Variants in UTRN observed in about 807,000 individuals in gnomAD.
The protein encoded by UTRN is utrophin.
UTRN carries 283 observed loss-of-function variants against 463.9 expected under a neutral mutation model. The observed-to-expected ratio is 0.61, with a 90% CI of 0.55 to 0.67. UTRN has a LOEUF of 0.67. UTRN is among the 30% of genes least tolerant of loss of function. The probability of loss-of-function intolerance (pLI) is 0.00; values close to 1 mark genes in which losing one functional copy is unlikely to be tolerated. For synonymous variants in UTRN, 1,442 were observed against 1,431.5 expected (o/e 1.01, Z -0.17); for missense variants, 3,922 against 4,084.3 (o/e 0.96, Z 1.08).
intron 49 of UTRN, 61 bp downstream of exon 49, chr6:144,554,954 G>T (rs1395313167): frequency 1.5e-5 from 23 of 1,553,880 alleles, no homozygotes; most frequent in Non-Finnish European, 2.0e-5. Context: ...TTTTTCTATT[G>T]TTCACTGTAA....
At chr6:144,703,418 C>T (rs1183594797) in intron 53 of UTRN, among the ~76,000 whole-genome samples, 2 of 152,034 alleles carry the variant, frequency 1.3e-5, no homozygotes, top group East Asian at 3.9e-4. Context: ...AATTGTCAGC[C>T]TGTATATCAG....
intron 13 of UTRN, among the ~76,000 whole-genome samples, chr6:144,442,528 A>T (rs1402638367): frequency 6.6e-6 from 1 of 152,238 alleles, no homozygotes; most frequent in African/African-American, 2.4e-5. Context: ...TAATGGACTT[A>T]CAGTTCCACA....
At chr6:144,384,009 A>G (rs1781175857) in intron 2 of UTRN, among the ~76,000 whole-genome samples, 2 of 152,232 alleles carry the variant, frequency 1.3e-5, no homozygotes, top group South Asian at 4.1e-4. Flanking sequence ...ACACTGTGAA[A>G]TGAACATGAA....
intron 73 of UTRN, among the ~76,000 whole-genome samples, chr6:144,845,005 A>G (rs1246475648): frequency 2.6e-5 from 4 of 152,238 alleles, no homozygotes; most frequent in Non-Finnish European, 4.4e-5. Flanking sequence ...TGAATTGCCT[A>G]TTTTAACATG....
chr6:144,361,768 C>CTTTTTTTTTT (rs200737117), intron 2 of UTRN, among the ~76,000 whole-genome samples: 2 of 138,700 alleles, frequency 1.4e-5, no homozygotes, highest in African/African-American at 5.7e-5. Context: ...TTCTTTCTTT[C>CTTTTTTTTTT]TTTCTTTTTT....
intron 47 of UTRN, 41 bp downstream of exon 47, chr6:144,548,895 A>G (rs1798655361): frequency 1.3e-6 from 2 of 1,594,192 alleles, no homozygotes; most frequent in South Asian, 1.1e-5. Context: ...AAACGCCACA[A>G]CCCAGAGGTA....
At chr6:144,734,479 C>T (rs140137113) in intron 54 of UTRN, among the ~76,000 whole-genome samples, 31 of 152,272 alleles carry the variant, frequency 2.0e-4, no homozygotes, top group East Asian at 1.9e-3. Flanking sequence ...TGCCCCCTCC[C>T]GTCACCCTGA....
intron 51 of UTRN, among the ~76,000 whole-genome samples, chr6:144,623,395 A>T (rs981392023): frequency 4.6e-5 from 7 of 152,246 alleles, no homozygotes; most frequent in African/African-American, 1.7e-4. Context: ...TTTGCAAATG[A>T]CAGTGATAGT....
intron 49 of UTRN, among the ~76,000 whole-genome samples, chr6:144,555,736 A>G (rs1311259639): frequency 6.6e-6 from 1 of 152,202 alleles, no homozygotes; most frequent in Non-Finnish European, 1.5e-5. Context: ...AGAACTCACT[A>G]TCACAAGAAC....
At chr6:144,404,292 T>C (rs1783189673) in intron 3 of UTRN, among the ~76,000 whole-genome samples, 1 of 152,182 alleles carries the variant, frequency 6.6e-6, no homozygotes, top group Non-Finnish European at 1.5e-5. Flanking sequence ...AATTGGCAGT[T>C]ATATGTGTAG....
In UTRN at chr6:144,429,664, A is replaced by G. The variant is rs766952069; in HGVS notation, c.778A>G (p.Ile260Val). 1.4e-5 allele frequency: 22 copies of G among 1,613,214 alleles called. No individual in the cohort carries two copies. The South Asian group carries it at 1.9e-4, about 14-fold the overall frequency. ...TGAGGTGCTACCTCAGCAAGTCACC[A>G]TAGACGCCATCCGTGAGGTAGAGAC... ...LFEVLPQQVT[I>V]DAIREVETLP... The change falls in exon 9 of 75, where the codon ATA becomes GTA. Residue 260 changes from isoleucine to valine, a missense_variant. Ile to Val is a conservative substitution (Grantham distance 29). Transcript: ENST00000367545.
At chr6:144,617,498 A>T (rs902775067) in intron 51 of UTRN, among the ~76,000 whole-genome samples, 1 of 152,124 alleles carries the variant, frequency 6.6e-6, no homozygotes, top group African/African-American at 2.4e-5. Flanking sequence ...TTAATACTGG[A>T]TCTGCTGAGG....
chr6:144,465,879 T>C (rs995252933), intron 23 of UTRN, among the ~76,000 whole-genome samples: 1 of 152,256 alleles, frequency 6.6e-6, no homozygotes, highest in Non-Finnish European at 1.5e-5. Context: ...TAATGTTTTG[T>C]AGGAACAAAA....
At chr6:144,345,761 A>G (rs1777512300) in intron 2 of UTRN, among the ~76,000 whole-genome samples, 2 of 152,094 alleles carry the variant, frequency 1.3e-5, no homozygotes, top group Non-Finnish European at 2.9e-5. Flanking sequence ...TTTCCCCACC[A>G]TTAAGAGTCT....
chr6:144,777,561 A>G (rs765345612), intron 60 of UTRN, among the ~76,000 whole-genome samples: 3 of 152,178 alleles, frequency 2.0e-5, no homozygotes, highest in Non-Finnish European at 2.9e-5. Flanking sequence ...TGTGTGATGG[A>G]CTAATGGGTA....
At chr6:144,336,299 G>C (rs1776714815) in intron 2 of UTRN, among the ~76,000 whole-genome samples, 3 of 152,152 alleles carry the variant, frequency 2.0e-5, no homozygotes, top group Admixed American at 2.0e-4. Flanking sequence ...CAAGCTGAAT[G>C]ACAGTAAACA....
At chr6:144,758,184 A>G (rs2128726415) in intron 58 of UTRN, 195 bp downstream of exon 58, 2 of 457,388 alleles carry the variant, frequency 4.4e-6, no homozygotes, top group East Asian at 3.5e-5. Flanking sequence ...GATTAGGGAT[A>G]TAGGTGTGTT....
At chr6:144,475,302 A>G (rs1791077452) in intron 25 of UTRN, among the ~76,000 whole-genome samples, 1 of 152,214 alleles carries the variant, frequency 6.6e-6, no homozygotes, top group Non-Finnish European at 1.5e-5. Context: ...GTAAGAGATG[A>G]GCCTTGTAAG....
chr6:144,690,654 G>A (rs1488918961), intron 52 of UTRN, among the ~76,000 whole-genome samples: 5 of 152,178 alleles, frequency 3.3e-5, no homozygotes, highest in South Asian at 2.1e-4. Flanking sequence ...CTGTGAGACA[G>A]GATCAGGAAT....
Sources: allele counts gnomAD v4.1 joint callset (sites outside exome capture counted in the v4.1 genomes callset), GRCh38; gene constraint gnomAD v4.1.1; transcripts MANE v1.5; gene names NCBI Gene and HGNC (gene_info 2026-07-23, HGNC 2026-07-21).